Variants in PCSK2 observed in about 807,000 individuals in gnomAD.
PCSK2 encodes the protein proprotein convertase subtilisin/kexin type 2, also known as neuroendocrine convertase 2.
PCSK2 carries 14 observed loss-of-function variants against 69.7 expected under a neutral mutation model. That is an observed-to-expected ratio of 0.20 (90% confidence interval 0.13 to 0.31). The LOEUF (loss-of-function observed/expected upper bound fraction) is 0.31, where lower values mean the gene tolerates loss of function less well. PCSK2 is among the 10% of genes least tolerant of loss of function. The pLI, the probability that PCSK2 is intolerant of heterozygous loss-of-function variation, is 1.00. For missense variants in PCSK2, 544 were observed against 842.5 expected (o/e 0.65, Z 4.39); for synonymous variants, 307 against 320.7 (o/e 0.96, Z 0.46).
chr20:17,404,942 T>A (rs544227210), intron 5 of PCSK2, among the ~76,000 whole-genome samples: 37 of 152,336 alleles, frequency 2.4e-4, no homozygotes, highest in Non-Finnish European at 4.9e-4. Context: ...TGTGTTCCGA[T>A]ACAACTTTAC....
chr20:17,238,994 C>T (rs868328494), intron 1 of PCSK2, among the ~76,000 whole-genome samples: 7 of 152,086 alleles, frequency 4.6e-5, no homozygotes, highest in Non-Finnish European at 8.8e-5. Flanking sequence ...CACACCCAGC[C>T]GATGTCTCAT....
At chr20:17,275,707 A>G (rs942503924) in intron 2 of PCSK2, among the ~76,000 whole-genome samples, 1 of 152,174 alleles carries the variant, frequency 6.6e-6, no homozygotes, top group Non-Finnish European at 1.5e-5. Context: ...TTGAAGTATA[A>G]GGAAACGTGC....
rs1324860512 is a variant in PCSK2 at position 17,395,141 on chromosome 20, A to C, written c.544-14122A>C. 2.0e-5 allele frequency among the ~76,000 whole-genome samples: 3 copies of C among 152,144 alleles called. No homozygotes were observed. The East Asian group carries it at 5.8e-4, about 29-fold the overall frequency. Reference sequence around the variant, plus strand: ...TCTGTTTATCTCCCAAGGTCACGACACTCTATTTGCATCTTCTCTTAGCAA... The same window carrying C: ...TCTGTTTATCTCCCAAGGTCACGACCCTCTATTTGCATCTTCTCTTAGCAA... On this transcript the variant is annotated intron_variant, in intron 5 of 11. Coordinates refer to ENST00000262545, the MANE Select transcript of PCSK2 (RefSeq NM_002594.5).
chr20:17,320,696 G>A (rs1446517368), intron 2 of PCSK2, among the ~76,000 whole-genome samples: 1 of 152,174 alleles, frequency 6.6e-6, no homozygotes, highest in Admixed American at 6.5e-5. Context: ...GACCGCTGGA[G>A]GGTGCTCGGG....
At position 17,227,085 on chromosome 20, in the gene PCSK2, C is replaced by A; in HGVS notation, c.-221C>A. On this transcript the variant is annotated 5_prime_UTR_variant, in exon 1 of 12. Transcript: ENST00000262545. ...ACAGCTCCCCACATTCGCACCCCTG[C>A]CCGCGCGCCGGGCCGCCTGACTGCA... The A allele has an allele frequency of 1.8e-6, 1 of 551,420 alleles. No individual in the cohort carries two copies. Among genetic ancestry groups the A allele is most frequent in the Non-Finnish European group, 3.2e-6 (1 of 312,036 alleles). 34.2% of individuals were successfully genotyped at this position (551,420 alleles called of 1,614,324 possible). A position where few individuals can be genotyped will look rare whatever the true frequency, so the allele number is the denominator to read the frequency against.
rs572211185 is a variant in PCSK2, at chr20:17,395,255, T to G, written c.544-14008T>G. 7.9e-5 allele frequency among the ~76,000 whole-genome samples: 12 copies of G among 152,202 alleles called. No individual in the cohort carries two copies. In the South Asian group the frequency reaches 2.5e-3, roughly 32 times the overall value. ...GAAGATTACTTACAAATTTCGGGGG[T>G]TGGTTTATTATGGATGCAAAAATGA... On this transcript the variant is annotated intron_variant, in intron 5 of 11. Transcript: ENST00000262545.
At chr20:17,391,721 GCTA>G (rs2031377979) in intron 5 of PCSK2, among the ~76,000 whole-genome samples, 1 of 151,972 alleles carries the variant, frequency 6.6e-6, no homozygotes, top group Admixed American at 6.6e-5. Flanking sequence ...TTAAACATTA[GCTA>G]TGTATGGTGA....
chr20:17,372,185 C>G (rs2030786396), intron 5 of PCSK2, among the ~76,000 whole-genome samples: 1 of 152,044 alleles, frequency 6.6e-6, no homozygotes, highest in African/African-American at 2.4e-5. Context: ...TGAGACCATA[C>G]TGGCTAACAC....
At chr20:17,425,085 T>A (rs1469013877) in intron 6 of PCSK2, among the ~76,000 whole-genome samples, 1 of 152,190 alleles carries the variant, frequency 6.6e-6, no homozygotes, top group Non-Finnish European at 1.5e-5. Context: ...CTATAAAGAA[T>A]TATGTTTTTC....
intron 2 of PCSK2, among the ~76,000 whole-genome samples, chr20:17,357,861 T>C (rs1356899794): frequency 1.4e-5 from 2 of 146,454 alleles, no homozygotes; most frequent in Non-Finnish European, 3.0e-5. Flanking sequence ...GCCATTGCCC[T>C]CCGGCCTGGG....
intron 6 of PCSK2, among the ~76,000 whole-genome samples, chr20:17,415,405 A>G (rs1229443164): frequency 3.3e-5 from 5 of 152,246 alleles, no homozygotes; most frequent in Non-Finnish European, 7.4e-5. Context: ...GACAAACAGA[A>G]AGTCAAATCA....
chr20:17,373,095 T>C (rs2030822558), intron 5 of PCSK2, among the ~76,000 whole-genome samples: 1 of 151,856 alleles, frequency 6.6e-6, no homozygotes, highest in Admixed American at 6.6e-5. Context: ...CTTGGTGGAG[T>C]CTTTGCTTGG....
At chr20:17,295,050 A>G (rs1031776626) in intron 2 of PCSK2, among the ~76,000 whole-genome samples, 3 of 152,010 alleles carry the variant, frequency 2.0e-5, no homozygotes, top group African/African-American at 4.8e-5. Flanking sequence ...ATAGTTTTTA[A>G]TTGCTTGGAG....
intron 1 of PCSK2, among the ~76,000 whole-genome samples, chr20:17,257,234 A>G (rs1291432931): frequency 1.3e-5 from 2 of 152,186 alleles, no homozygotes; most frequent in Non-Finnish European, 2.9e-5. Context: ...ACCGTCTCAC[A>G]CCAGTGAGAA....
chr20:17,430,922 G>A (rs553334679), intron 7 of PCSK2, among the ~76,000 whole-genome samples: 1 of 152,276 alleles, frequency 6.6e-6, no homozygotes, highest in East Asian at 1.9e-4. Flanking sequence ...GCTTTCTGGA[G>A]GTTCCTGGGA....
intron 2 of PCSK2, among the ~76,000 whole-genome samples, chr20:17,302,086 C>T (rs900997458): frequency 6.6e-6 from 1 of 152,128 alleles, no homozygotes; most frequent in African/African-American, 2.4e-5. Context: ...TGTCTAACAT[C>T]TCTCCATAGG....
At chr20:17,251,229 A>T (rs1986965698) in intron 1 of PCSK2, among the ~76,000 whole-genome samples, 1 of 152,098 alleles carries the variant, frequency 6.6e-6, no homozygotes, top group African/African-American at 2.4e-5. Flanking sequence ...GCACACATAC[A>T]TTTTCTTCCT....
At chr20:17,238,925 C>A (rs1986445791) in intron 1 of PCSK2, among the ~76,000 whole-genome samples, 1 of 152,062 alleles carries the variant, frequency 6.6e-6, no homozygotes, top group Non-Finnish European at 1.5e-5. Flanking sequence ...TCAATAAATA[C>A]CAAAATAAAT....
chr20:17,453,365 A>G lies in PCSK2; in HGVS notation c.886-377A>G, dbSNP rs1369977860. 6.6e-6 allele frequency among the ~76,000 whole-genome samples: 1 copy of G among 152,188 alleles called. No individual in the cohort carries two copies. The highest frequency in any genetic ancestry group is 6.5e-5 in the Admixed American group (1 of 15,282). On this transcript the variant is annotated intron_variant, in intron 8 of 11. Coordinates refer to ENST00000262545, the MANE Select transcript of PCSK2 (RefSeq NM_002594.5). The surrounding 1 kb of genome is among the most constrained non-coding windows in gnomAD (Gnocchi z 4.0). The stretch of plus-strand genomic sequence containing the variant: ...TAAAGAGATGTAAGAATGAGATAAT[A>G]ATTACCTCTAGAGAGTTGTTTTTTA...
Sources: gnomAD v4.1 joint callset for allele counts (sites outside exome capture counted in the v4.1 genomes callset) on GRCh38, gnomAD v4.1.1 for gene constraint, Gnocchi (gnomAD v3.1) non-coding constraint, MANE v1.5 for transcripts, NCBI Gene and HGNC (gene_info 2026-07-23, HGNC 2026-07-21) for gene names.